The following UTP18 variants were observed in gnomAD, a reference collection of about 807,000 sequenced individuals.
UTP18 encodes the protein U3 small nucleolar RNA-associated protein 18 homolog.
Under a neutral mutation model 61.1 loss-of-function variants are expected in UTP18, and 36 were observed. That is an observed-to-expected ratio of 0.59 (90% CI 0.45 to 0.78). UTP18 has a LOEUF of 0.78. UTP18 is among the 30% of genes least tolerant of loss of function. The pLI is 0.00. For synonymous variants in UTP18, 282 were observed against 251.1 expected (o/e 1.12, Z -1.16); for missense variants, 753 against 693.9 (o/e 1.09, Z -0.96).
intron 4 of UTP18, among the ~76,000 whole-genome samples, chr17:51,273,009 A>G (rs1004528066): frequency 2.0e-5 from 3 of 152,172 alleles, no homozygotes; most frequent in African/African-American, 4.8e-5. Flanking sequence ...CCTGTTGCCA[A>G]TTTTGCCATA....
intron 9 of UTP18, 120 bp from the exon 10 acceptor site, chr17:51,285,125 T>A: frequency 6.0e-6 from 6 of 999,928 alleles, no homozygotes; most frequent in Non-Finnish European, 7.3e-6. Flanking sequence ...ACTAGGAGGG[T>A]TATAATAGGT....
intron 4 of UTP18, among the ~76,000 whole-genome samples, chr17:51,270,633 TC>T (rs1383923473): frequency 6.6e-5 from 10 of 152,208 alleles, no homozygotes; most frequent in African/African-American, 1.2e-4. Context: ...TCAGGTTGGT[TC>T]TTCCAGAGTT....
rs574513702 is a variant in UTP18 at position 51,270,157 on chromosome 17, GT to G, written c.622+1259del. Among the ~76,000 whole-genome samples, 259 of 152,218 alleles carry G rather than the reference GT, an allele frequency of 1.7e-3. 2 individuals carry two copies. Among genetic ancestry groups the G allele is most frequent in the Middle Eastern group, 0.014 (4 of 294 alleles). On this transcript the variant is annotated intron_variant, in intron 4 of 13. Coordinates refer to ENST00000225298, the MANE Select transcript of UTP18 (RefSeq NM_016001.3). ...TAAATAATGTACTTTTTACTAAACT[GT>G]TTTTTCCCCTTCTTCCCTTTTCTTT...
At chr17:51,279,486 T>TG (rs1044873195) in intron 7 of UTP18, among the ~76,000 whole-genome samples, 4 of 151,186 alleles carry the variant, frequency 2.6e-5, no homozygotes, top group African/African-American at 9.9e-5. Flanking sequence ...TGAAAAGTTT[T>TG]GGGGTTTTTT....
Position 51,266,289 on chromosome 17 carries a change from C to T in UTP18, c.554+9C>T. On this transcript the variant is annotated intron_variant, in intron 3 of 13. Coordinates refer to ENST00000225298, the MANE Select transcript of UTP18 (RefSeq NM_016001.3). ...AAGAGACTTAAAGAAGAGTAAGTGTCTTTTTTCATATGATTTACCAAGAGG... is the reference window on the plus strand; with the variant it reads ...AAGAGACTTAAAGAAGAGTAAGTGTTTTTTTTCATATGATTTACCAAGAGG... The T allele has an allele frequency of 6.4e-7, 1 of 1,571,510 alleles. No homozygotes were observed. The highest frequency in any genetic ancestry group is 8.6e-7 in the Non-Finnish European group (1 of 1,161,894).
At chr17:51,265,522 C>G (rs1398446342) in intron 2 of UTP18, among the ~76,000 whole-genome samples, 1 of 148,836 alleles carries the variant, frequency 6.7e-6, no homozygotes, top group African/African-American at 2.5e-5. Flanking sequence ...GTCTGCCTCC[C>G]AAAGTGCTGG....
At chr17:51,266,555 T>G (rs979702946) in intron 3 of UTP18, among the ~76,000 whole-genome samples, 1 of 152,238 alleles carries the variant, frequency 6.6e-6, no homozygotes, top group Non-Finnish European at 1.5e-5. Context: ...TTTTATAATA[T>G]GAACATTTTC....
intron 5 of UTP18, among the ~76,000 whole-genome samples, chr17:51,273,881 G>T (rs1303551610): frequency 6.6e-6 from 1 of 152,084 alleles, no homozygotes; most frequent in Admixed American, 6.5e-5. Context: ...GTAGCTTTGT[G>T]ACTGGACTCT....
intron 12 of UTP18, among the ~76,000 whole-genome samples, chr17:51,295,143 G>A (rs1299190862): frequency 6.6e-6 from 1 of 152,102 alleles, no homozygotes; most frequent in African/African-American, 2.4e-5. Context: ...CTCCCATTTT[G>A]TAGGTTGCCT....
chr17:51,291,226 T>G (rs1343689765), intron 11 of UTP18, among the ~76,000 whole-genome samples: 1 of 152,096 alleles, frequency 6.6e-6, no homozygotes, highest in African/African-American at 2.4e-5. Flanking sequence ...TTTTCCTAAT[T>G]AATAGTTCAA....
chr17:51,287,575 G>A (rs907066606), intron 10 of UTP18, among the ~76,000 whole-genome samples: 1 of 152,180 alleles, frequency 6.6e-6, no homozygotes, highest in African/African-American at 2.4e-5. Context: ...AGGGGTGATG[G>A]TGTTAGAAGA....
intron 1 of UTP18, 90 bp from the exon 2 acceptor site, chr17:51,263,184 A>G: frequency 9.7e-7 from 1 of 1,028,596 alleles, no homozygotes; most frequent in Admixed American, 2.3e-5. Flanking sequence ...TAGAAAAAAC[A>G]TTCTATGAGC....
intron 3 of UTP18, among the ~76,000 whole-genome samples, chr17:51,266,919 T>A (rs2055567350): frequency 6.6e-6 from 1 of 152,142 alleles, no homozygotes; most frequent in Admixed American, 6.6e-5. Flanking sequence ...AATGGAGTGG[T>A]GCTGTCATGG....
intron 9 of UTP18, among the ~76,000 whole-genome samples, chr17:51,284,454 C>T (rs753230293): frequency 1.5e-4 from 23 of 151,942 alleles, no homozygotes; most frequent in Non-Finnish European, 2.2e-4. Context: ...TATAAATTCC[C>T]GTGTTCTGGA....
At chr17:51,286,106 T>C (rs897814183) in intron 10 of UTP18, among the ~76,000 whole-genome samples, 1 of 152,232 alleles carries the variant, frequency 6.6e-6, no homozygotes, top group African/African-American at 2.4e-5. Context: ...AACATGTTCC[T>C]AGGAAATACC....
intron 2 of UTP18, among the ~76,000 whole-genome samples, chr17:51,265,562 C>CTTT (rs10695281): frequency 0.14 from 11,927 of 85,450 alleles, 1,699 homozygotes; most frequent in African/African-American, 0.27. Context: ...CGTGCCCGGC[C>CTTT]TTTTTTTTTT....
intron 1 of UTP18, among the ~76,000 whole-genome samples, chr17:51,261,652 A>G (rs2055487636): frequency 1.3e-5 from 2 of 152,164 alleles, no homozygotes; most frequent in Non-Finnish European, 2.9e-5. Flanking sequence ...GAGGAGATAA[A>G]CGAGTAAACT....
intron 10 of UTP18, 22 bp downstream of exon 10, chr17:51,285,390 TA>T (rs779175040): frequency 1.0e-4 from 168 of 1,609,666 alleles, no homozygotes; most frequent in Non-Finnish European, 1.3e-4. Flanking sequence ...GAGGTTCTTG[TA>T]ACCTTAATCA....
intron 12 of UTP18, chr17:51,296,723 G>C (rs1393783041): frequency 4.5e-6 from 2 of 441,488 alleles, no homozygotes; most frequent in African/African-American, 4.1e-5. Context: ...TGTCTGATCA[G>C]GTATTTCATA....
Sources: allele counts gnomAD v4.1 joint callset (sites outside exome capture counted in the v4.1 genomes callset), GRCh38; gene constraint gnomAD v4.1.1; transcripts MANE v1.5; gene names NCBI Gene and HGNC (gene_info 2026-07-23, HGNC 2026-07-21).